CRADD: variants seen among roughly 807,000 people sequenced by gnomAD.
CRADD encodes the protein death domain-containing protein CRADD.
Under a neutral mutation model 15.5 loss-of-function variants are expected in CRADD, and 9 were observed. The observed-to-expected ratio is 0.58, with a 90% CI of 0.35 to 1.01. The LOEUF (loss-of-function observed/expected upper bound fraction) is 1.01, where lower values mean the gene tolerates loss of function less well. CRADD is among the 50% of genes least tolerant of loss of function. The probability of loss-of-function intolerance (pLI) is 0.02; values close to 1 mark genes in which losing one functional copy is unlikely to be tolerated. For synonymous variants in CRADD, 118 were observed against 107.6 expected (o/e 1.10, Z -0.60); for missense variants, 227 against 250.3 (o/e 0.91, Z 0.63).
At position 93,705,628 on chromosome 12, in the gene CRADD, C is replaced by T. The variant is rs1955930668; in HGVS notation, c.298+26556C>T. Reference sequence around the variant, plus strand: ...GTGGTTTGACATTTAATCAGACTTGCTTTCCTTGTTAACCTAAAGGCCTTC... The same window carrying T: ...GTGGTTTGACATTTAATCAGACTTGTTTTCCTTGTTAACCTAAAGGCCTTC... On this transcript the variant is annotated intron_variant, in intron 2 of 2. Coordinates refer to ENST00000332896, the MANE Select transcript of CRADD (RefSeq NM_003805.5). 2.0e-5 allele frequency among the ~76,000 whole-genome samples: 3 copies of T among 152,172 alleles called. No individual in the cohort carries two copies. The South Asian group carries it at 6.2e-4, about 32-fold the overall frequency.
chr12:93,702,614 A>G (rs1459381821), intron 2 of CRADD, among the ~76,000 whole-genome samples: 1 of 150,988 alleles, frequency 6.6e-6, no homozygotes, highest in African/African-American at 2.4e-5. Flanking sequence ...AAACTCTGCA[A>G]TTTCTCTTGT....
At chr12:93,698,025 G>T (rs1955752320) in intron 2 of CRADD, among the ~76,000 whole-genome samples, 1 of 152,170 alleles carries the variant, frequency 6.6e-6, no homozygotes, top group Admixed American at 6.5e-5. Context: ...GATAGGGAAG[G>T]CATTGCACAT....
At chr12:93,757,048 G>A (rs1283365592) in intron 2 of CRADD, among the ~76,000 whole-genome samples, 3 of 152,204 alleles carry the variant, frequency 2.0e-5, no homozygotes, top group Non-Finnish European at 2.9e-5. Context: ...TGAATGAATT[G>A]TAACCTTTTA....
chr12:93,887,356 C>G (rs928959651), intron 2 of CRADD, among the ~76,000 whole-genome samples: 8 of 152,168 alleles, frequency 5.3e-5, no homozygotes, highest in African/African-American at 1.9e-4. Flanking sequence ...GTCGGCAGAT[C>G]TCAATGCCAG....
downstream of CRADD, among the ~76,000 whole-genome samples, chr12:93,854,080 C>T (rs535677960): frequency 4.1e-4 from 63 of 152,192 alleles, no homozygotes; most frequent in Non-Finnish European, 6.3e-4. Context: ...TAGCAAACTA[C>T]CCCCAAGATG....
chr12:93,851,724 G>T (rs1223681159), downstream of CRADD, among the ~76,000 whole-genome samples: 1 of 152,058 alleles, frequency 6.6e-6, no homozygotes, highest in Non-Finnish European at 1.5e-5. Context: ...TTTACAATGG[G>T]GCCAGTCTGT....
chr12:93,793,758 G>T (rs1187069927), intron 2 of CRADD, among the ~76,000 whole-genome samples: 2 of 152,144 alleles, frequency 1.3e-5, no homozygotes, highest in Non-Finnish European at 2.9e-5. Flanking sequence ...CAAGTGACAT[G>T]GGGCTTCATG....
At chr12:93,774,912 G>T (rs1414060835) in intron 2 of CRADD, among the ~76,000 whole-genome samples, 3 of 152,182 alleles carry the variant, frequency 2.0e-5, no homozygotes, top group Admixed American at 2.0e-4. Flanking sequence ...CTGCTAGGGT[G>T]GGGAGGGAGA....
intron 2 of CRADD, among the ~76,000 whole-genome samples, chr12:93,819,082 A>G (rs1396091236): frequency 1.3e-5 from 2 of 152,264 alleles, no homozygotes; most frequent in Non-Finnish European, 2.9e-5. Flanking sequence ...AGATAAAAGT[A>G]TATTCCCAGC....
At chr12:93,724,900 G>T (rs1035467814) in intron 2 of CRADD, among the ~76,000 whole-genome samples, 2 of 151,838 alleles carry the variant, frequency 1.3e-5, no homozygotes, top group African/African-American at 4.8e-5. Flanking sequence ...TCGCTCTGTT[G>T]CCCAGGCTGG....
intron 2 of CRADD, among the ~76,000 whole-genome samples, chr12:93,692,634 G>A (rs937872397): frequency 8.5e-5 from 13 of 152,128 alleles, no homozygotes; most frequent in Admixed American, 4.6e-4. Context: ...CGGCAAAACC[G>A]TTCTTTAGAA....
intron 2 of CRADD, among the ~76,000 whole-genome samples, chr12:93,818,350 C>T (rs1957731746): frequency 6.6e-6 from 1 of 152,218 alleles, no homozygotes; most frequent in Non-Finnish European, 1.5e-5. Context: ...GGCAGCCTCT[C>T]CTTCACACCT....
intron 2 of CRADD, among the ~76,000 whole-genome samples, chr12:93,740,931 C>T (rs901327409): frequency 6.6e-6 from 1 of 152,190 alleles, no homozygotes; most frequent in East Asian, 1.9e-4. Context: ...CTGCAGATTC[C>T]GGCTTTCTCT....
At chr12:93,744,633 A>C in intron 2 of CRADD, among the ~76,000 whole-genome samples, 1 of 152,194 alleles carries the variant, frequency 6.6e-6, no homozygotes, top group South Asian at 2.1e-4. Context: ...CCCTCTGGGT[A>C]CCACTTTGTT....
intron 2 of CRADD, among the ~76,000 whole-genome samples, chr12:93,686,430 C>G (rs541523068): frequency 4.0e-5 from 6 of 151,776 alleles, no homozygotes; most frequent in South Asian, 2.1e-4. Flanking sequence ...GGAGCCATCA[C>G]CTGGCTGGCA....
At chr12:93,841,948 A>G (rs530229253) in intron 2 of CRADD, among the ~76,000 whole-genome samples, 2 of 152,258 alleles carry the variant, frequency 1.3e-5, no homozygotes, top group Admixed American at 6.5e-5. Flanking sequence ...AGGAATGTAT[A>G]TAGTTTTTAA....
At chr12:93,826,726 T>A (rs1484985174) in intron 2 of CRADD, 1 of 152,184 alleles carries the variant, frequency 6.6e-6, no homozygotes, top group Admixed American at 6.5e-5. Context: ...AACAGAGAAG[T>A]GGCTGGAGAG....
intron 2 of CRADD, among the ~76,000 whole-genome samples, chr12:93,758,494 T>G (rs544095741): frequency 6.6e-6 from 1 of 152,144 alleles, no homozygotes; most frequent in African/African-American, 2.4e-5. Flanking sequence ...AATATTAATA[T>G]TAACTGATAT....
At chr12:93,686,752 G>A (rs1403380141) in intron 2 of CRADD, among the ~76,000 whole-genome samples, 1 of 152,180 alleles carries the variant, frequency 6.6e-6, no homozygotes, top group Non-Finnish European at 1.5e-5. Context: ...CACACAGCTA[G>A]TTAATGTAAT....
Sources: gnomAD v4.1 joint callset for allele counts (sites outside exome capture counted in the v4.1 genomes callset) on GRCh38, gnomAD v4.1.1 for gene constraint, MANE v1.5 for transcripts, NCBI Gene and HGNC (gene_info 2026-07-23, HGNC 2026-07-21) for gene names.